Variants in SCARB2 observed in about 807,000 individuals in gnomAD.
SCARB2 encodes scavenger receptor class B member 2.
SCARB2 carries 29 observed loss-of-function variants against 58.6 expected under a neutral mutation model. The ratio of observed to expected loss-of-function variants is 0.49; its 90% CI spans 0.37 to 0.67. The LOEUF (loss-of-function observed/expected upper bound fraction) is 0.67, where lower values mean the gene tolerates loss of function less well. Ranked by LOEUF, SCARB2 falls within the 30% of genes least tolerant of loss-of-function variation. The pLI is 0.00. For missense variants in SCARB2, 488 were observed against 578.5 expected (o/e 0.84, Z 1.60); for synonymous variants, 195 against 210.1 (o/e 0.93, Z 0.62).
At chr4:76,173,758 A>G (rs1371054329) in intron 7 of SCARB2, 1 of 281,784 alleles carries the variant, frequency 3.5e-6, no homozygotes, top group East Asian at 9.2e-5. Context: ...ATGAGCTATT[A>G]TTACTGTTAA....
At chr4:76,176,005 G>C in intron 5 of SCARB2, 95 bp from the exon 6 acceptor site, 1 of 1,413,168 alleles carries the variant, frequency 7.1e-7, no homozygotes, top group South Asian at 1.2e-5. Context: ...AACTGGAGCT[G>C]TCTATCCACA....
intron 7 of SCARB2, among the ~76,000 whole-genome samples, chr4:76,170,411 G>A (rs1217555604): frequency 7.9e-5 from 12 of 152,146 alleles, no homozygotes; most frequent in African/African-American, 2.7e-4. Flanking sequence ...AGGCTATGAA[G>A]GCAGAATACT....
intron 2 of SCARB2, among the ~76,000 whole-genome samples, chr4:76,186,489 A>G: frequency 6.6e-6 from 1 of 152,030 alleles, no homozygotes; most frequent in South Asian, 2.1e-4. Flanking sequence ...CAGGCTGAGG[A>G]GCCTCTACCC....
Position 76,166,169 on chromosome 4 carries a change from A to G in SCARB2, c.1239+81T>C, listed in dbSNP as rs1578714015. 6.7e-6 allele frequency: 9 copies of G among 1,338,218 alleles called. No homozygotes were observed. In the East Asian group the frequency reaches 1.8e-4, roughly 27 times the overall value. 82.9% of individuals were successfully genotyped at this position (1,338,218 alleles called of 1,614,324 possible). A position where few individuals can be genotyped will look rare whatever the true frequency, so the allele number is the denominator to read the frequency against. On this transcript the variant is annotated intron_variant, in intron 10 of 11. Transcript: ENST00000264896. ...CTTTTGCCCTTCTGTCATAACTTAC[A>G]TGTAACTACAACAGTAGACATCATA...
chr4:76,175,928 A>G lies in SCARB2; in HGVS notation c.705-18T>C, dbSNP rs778482270. The G allele has an allele frequency of 6.2e-7, 1 of 1,612,998 alleles. No individual in the cohort carries two copies. The highest frequency in any genetic ancestry group is 2.2e-5 in the East Asian group (1 of 44,858). On this transcript the variant is annotated intron_variant, in intron 5 of 11. Transcript: ENST00000264896. ...CAAGTGACCTATAATTGATAAGCAC[A>G]AGAAAGAGTAAAGATGATCACATTT...
intron 1 of SCARB2, among the ~76,000 whole-genome samples, chr4:76,220,166 C>T (rs187299579): frequency 2.0e-5 from 3 of 152,198 alleles, no homozygotes; most frequent in Non-Finnish European, 4.4e-5. Context: ...GGTATATAAC[C>T]CCCAAAATTG....
intron 1 of SCARB2, among the ~76,000 whole-genome samples, chr4:76,204,695 G>A (rs1230802126): frequency 1.3e-5 from 2 of 152,090 alleles, no homozygotes; most frequent in Non-Finnish European, 2.9e-5. Flanking sequence ...AGAAAGAGGA[G>A]TTTCAGATGT....
chr4:76,213,093 G>C (rs1451508455), intron 1 of SCARB2: 1 of 360,828 alleles, frequency 2.8e-6, no homozygotes, highest in Non-Finnish European at 5.4e-6. Context: ...GTTTCTTCAT[G>C]AAGTGGGAAG....
At chr4:76,170,025 TA>T (rs1469387623) in intron 7 of SCARB2, 40 bp from the exon 8 acceptor site, 1 of 1,528,788 alleles carries the variant, frequency 6.5e-7, no homozygotes, top group Non-Finnish European at 9.0e-7. Context: ...ATGCTGTTTT[TA>T]AAATCTAAGC....
intron 1 of SCARB2, among the ~76,000 whole-genome samples, chr4:76,220,226 T>C (rs1733284947): frequency 6.6e-6 from 1 of 152,198 alleles, no homozygotes; most frequent in African/African-American, 2.4e-5. Flanking sequence ...ATAGCAGCAT[T>C]GTTCACAATA....
At chr4:76,185,700 G>A (rs555520638) in intron 2 of SCARB2, among the ~76,000 whole-genome samples, 40 of 152,274 alleles carry the variant, frequency 2.6e-4, no homozygotes, top group African/African-American at 6.3e-4. Flanking sequence ...AATTGGATGC[G>A]TATAATACTA....
Position 76,174,280 on chromosome 4 carries a change from A to G in SCARB2, c.858T>C (p.Ser286=), listed in dbSNP as rs1732199304. 5.0e-6 allele frequency: 8 copies of G among 1,614,154 alleles called. No homozygotes were observed. The highest frequency in any genetic ancestry group is 4.2e-6 in the Non-Finnish European group (5 of 1,180,022). Residue 286 remains serine, a synonymous_variant, in exon 7 of 12, where the codon AGT becomes AGC. Coordinates refer to ENST00000264896, the MANE Select transcript of SCARB2 (RefSeq NM_005506.4). Reference sequence around the variant, plus strand: ...ACCGAAAGGCAGGCAGTCCCTGTACACTCTCATAGTCACTGAAAGTAATAT... The same window carrying G: ...ACCGAAAGGCAGGCAGTCCCTGTACGCTCTCATAGTCACTGAAAGTAATAT... ...SVYITFSDYE[S]VQGLPAFRYK... is the part of the protein sequence containing the mutation.
intron 1 of SCARB2, among the ~76,000 whole-genome samples, chr4:76,212,025 G>A (rs1320243864): frequency 1.3e-5 from 2 of 152,152 alleles, no homozygotes; most frequent in East Asian, 1.9e-4. Flanking sequence ...TCTAAGGGCT[G>A]GCTATATGGG....
chr4:76,212,899 A>G (rs1481960507), intron 1 of SCARB2, among the ~76,000 whole-genome samples: 3 of 152,240 alleles, frequency 2.0e-5, no homozygotes, highest in African/African-American at 7.2e-5. Context: ...GCAAAGACTG[A>G]TGGATGAATT....
chr4:76,209,052 T>C (rs79981689), intron 1 of SCARB2, among the ~76,000 whole-genome samples: 3,250 of 152,304 alleles, frequency 0.021, 114 homozygotes, highest in African/African-American at 0.074. Flanking sequence ...CCCTCTCCAT[T>C]TGACTTTAGA....
rs528502016 is a variant in SCARB2 at position 76,180,464 on chromosome 4, A to C, written c.423+490T>G. On this transcript the variant is annotated intron_variant, in intron 3 of 11. Coordinates refer to ENST00000264896, the MANE Select transcript of SCARB2 (RefSeq NM_005506.4). ...ATAGGTGTCGTTATTAGGTAGAATTACCATTATAAACAGAGCCCACTGAAA... is the reference window on the plus strand; with the variant it reads ...ATAGGTGTCGTTATTAGGTAGAATTCCCATTATAAACAGAGCCCACTGAAA... 4 of 153,082 alleles carry C rather than the reference A, an allele frequency of 2.6e-5. No homozygotes were observed. In the East Asian group the frequency reaches 7.7e-4, roughly 29 times the overall value. The allele number at this position is 153,082 out of a possible 1,614,324, so 9.5% of individuals were successfully genotyped here. A position where few individuals can be genotyped will look rare whatever the true frequency, so the allele number is the denominator to read the frequency against.
chr4:76,208,808 C>G (rs993373756), intron 1 of SCARB2, among the ~76,000 whole-genome samples: 4 of 152,102 alleles, frequency 2.6e-5, no homozygotes, highest in Non-Finnish European at 5.9e-5. Context: ...AGCCAAGAAG[C>G]GGGATACATT....
chr4:76,169,192 G>A (rs1048883242), intron 8 of SCARB2, among the ~76,000 whole-genome samples: 2 of 151,868 alleles, frequency 1.3e-5, no homozygotes, highest in Non-Finnish European at 2.9e-5. Flanking sequence ...ATAAAATACT[G>A]TGCTAAAAGA....
chr4:76,191,621 T>A (rs1446562799), intron 2 of SCARB2, among the ~76,000 whole-genome samples: 1 of 152,168 alleles, frequency 6.6e-6, no homozygotes, highest in African/African-American at 2.4e-5. Context: ...GCCAGCATCA[T>A]GCTTCCTGTA....
Sources: gnomAD v4.1 joint callset for allele counts (sites outside exome capture counted in the v4.1 genomes callset) on GRCh38, gnomAD v4.1.1 for gene constraint, MANE v1.5 for transcripts, NCBI Gene and HGNC (gene_info 2026-07-23, HGNC 2026-07-21) for gene names.